Variants in CDH13 observed in about 807,000 individuals in gnomAD.
The protein encoded by CDH13 is cadherin 13, also known as cadherin-13.
CDH13 carries 24 observed loss-of-function variants against 63.8 expected under a neutral mutation model. The observed-to-expected ratio is 0.38, with a 90% CI of 0.27 to 0.53. The LOEUF is 0.53. Ranked by LOEUF, CDH13 falls within the 20% of genes least tolerant of loss-of-function variation. CDH13 has a pLI of 0.85. For missense variants in CDH13, 1,049 were observed against 903.1 expected (o/e 1.16, Z -2.07); for synonymous variants, 503 against 355.3 (o/e 1.42, Z -4.67).
intron 10 of CDH13, among the ~76,000 whole-genome samples, chr16:83,708,154 C>A (rs1455168882): frequency 6.6e-6 from 1 of 152,188 alleles, no homozygotes; most frequent in African/African-American, 2.4e-5. Context: ...AGGATCCACC[C>A]AAAGCCACCG....
intron 1 of CDH13, among the ~76,000 whole-genome samples, chr16:82,811,146 C>G (rs1821254898): frequency 6.6e-6 from 1 of 152,162 alleles, no homozygotes; most frequent in South Asian, 2.1e-4. Context: ...TGTCCTGGAA[C>G]TGGTTCTGTC....
At chr16:83,030,124 C>T (rs1291849698) in intron 2 of CDH13, among the ~76,000 whole-genome samples, 1 of 152,208 alleles carries the variant, frequency 6.6e-6, no homozygotes, top group East Asian at 1.9e-4. Flanking sequence ...ATGCAGGGGG[C>T]CCATCTTCCC....
At chr16:83,456,559 A>G (rs1422222331) in intron 6 of CDH13, among the ~76,000 whole-genome samples, 3 of 152,250 alleles carry the variant, frequency 2.0e-5, no homozygotes, top group Non-Finnish European at 4.4e-5. Context: ...TACTTGAGCC[A>G]TTTTCAAGAG....
intron 6 of CDH13, among the ~76,000 whole-genome samples, chr16:83,395,707 C>A (rs1420575370): frequency 1.3e-5 from 2 of 152,140 alleles, no homozygotes; most frequent in Non-Finnish European, 2.9e-5. Context: ...GGGTAGATAT[C>A]ACATAGTGGT....
chr16:83,096,055 A>G (rs1029168955), intron 3 of CDH13, among the ~76,000 whole-genome samples: 1 of 152,182 alleles, frequency 6.6e-6, no homozygotes, highest in Non-Finnish European at 1.5e-5. Flanking sequence ...GTGGGGAAGC[A>G]TGCAGTCACC....
chr16:83,125,609 T>G, intron 4 of CDH13, 108 bp downstream of exon 4: 1 of 622,498 alleles, frequency 1.6e-6, no homozygotes, highest in Non-Finnish European at 2.9e-6. Flanking sequence ...TCTTCATCTG[T>G]CTATGATAAG....
chr16:82,934,368 A>G (rs1216882946), intron 2 of CDH13, among the ~76,000 whole-genome samples: 1 of 152,180 alleles, frequency 6.6e-6, no homozygotes, highest in Non-Finnish European at 1.5e-5. Flanking sequence ...GACACAGAGC[A>G]CTAAGTCCTT....
chr16:83,635,090 C>G (rs1226134035), intron 8 of CDH13, among the ~76,000 whole-genome samples: 1 of 152,140 alleles, frequency 6.6e-6, no homozygotes, highest in East Asian at 1.9e-4. Context: ...GGTGTTATCA[C>G]TCTTTTTCAT....
chr16:83,550,475 A>G lies in CDH13; in HGVS notation c.961-51979A>G, dbSNP rs145286643. ...GCTGGTGGCAGTGTCTTAATGATGGAGACAATTGATTGATAGGAGGTCAAC... is the reference window on the plus strand; with the variant it reads ...GCTGGTGGCAGTGTCTTAATGATGGGGACAATTGATTGATAGGAGGTCAAC... On this transcript the variant is annotated intron_variant, in intron 7 of 13. Coordinates refer to ENST00000567109, the MANE Select transcript of CDH13 (RefSeq NM_001257.5). 5.3e-3 allele frequency among the ~76,000 whole-genome samples: 804 copies of G among 152,312 alleles called. 1 individual carries two copies. The highest frequency in any genetic ancestry group is 0.01 in the Admixed American group (159 of 15,296).
intron 7 of CDH13, among the ~76,000 whole-genome samples, chr16:83,486,880 C>T (rs1206733540): frequency 1.3e-5 from 2 of 152,158 alleles, no homozygotes; most frequent in African/African-American, 2.4e-5. Flanking sequence ...TGTTTGTATT[C>T]ACTCAACCTG....
intron 11 of CDH13, among the ~76,000 whole-genome samples, chr16:83,759,738 G>C (rs1433590925): frequency 2.6e-5 from 4 of 151,958 alleles, no homozygotes; most frequent in African/African-American, 7.2e-5. Flanking sequence ...ACCAGTGTGA[G>C]TAATAAAGCA....
chr16:83,517,216 A>G (rs1377146627), intron 7 of CDH13, among the ~76,000 whole-genome samples: 2 of 152,220 alleles, frequency 1.3e-5, no homozygotes, highest in African/African-American at 4.8e-5. Flanking sequence ...TGCTTGCAAG[A>G]CAGTTTAAGG....
At chr16:83,674,557 C>G (rs1171386154) in intron 9 of CDH13, among the ~76,000 whole-genome samples, 3 of 152,220 alleles carry the variant, frequency 2.0e-5, no homozygotes, top group Non-Finnish European at 2.9e-5. Context: ...GGCCTTTGGG[C>G]CTTTACAGTG....
At chr16:82,646,102 T>C (rs1488322124) in intron 1 of CDH13, 2 of 152,236 alleles carry the variant, frequency 1.3e-5, no homozygotes, top group Non-Finnish European at 2.9e-5. Context: ...CAACTTCAGG[T>C]TGTCCCTGAC....
intron 1 of CDH13, among the ~76,000 whole-genome samples, chr16:82,686,810 C>G (rs1281431893): frequency 6.6e-6 from 1 of 152,150 alleles, no homozygotes; most frequent in African/African-American, 2.4e-5. Flanking sequence ...TGGGTATTAT[C>G]AATACCCATG....
In CDH13 at chr16:83,525,136, C is replaced by T. The variant is rs191408063; in HGVS notation, c.960+38481C>T. The stretch of plus-strand genomic sequence containing the variant: ...GGTGTCCTTATAGCAACCCCAGGGA[C>T]AGACTCCAGTTGGCTCTATCTGTGC... On this transcript the variant is annotated intron_variant, in intron 7 of 13. Transcript: ENST00000567109. Among the ~76,000 whole-genome samples, 238 of 152,306 alleles carry T rather than the reference C, an allele frequency of 1.6e-3. 2 individuals are homozygous for T. The highest frequency in any genetic ancestry group is 5.5e-3 in the African/African-American group (227 of 41,560).
chr16:83,537,704 T>G (rs575237172), intron 7 of CDH13, among the ~76,000 whole-genome samples: 47 of 152,310 alleles, frequency 3.1e-4, no homozygotes, highest in African/African-American at 1.1e-3. Flanking sequence ...ATAGTGGCAT[T>G]CTATGGAAAG....
intron 8 of CDH13, among the ~76,000 whole-genome samples, chr16:83,611,656 G>C (rs1040311515): frequency 2.6e-5 from 4 of 151,464 alleles, no homozygotes; most frequent in African/African-American, 9.7e-5. Flanking sequence ...ATGGATTTAA[G>C]ACTATATAAA....
chr16:83,132,578 G>A (rs937965441), intron 4 of CDH13, among the ~76,000 whole-genome samples: 1 of 151,124 alleles, frequency 6.6e-6, no homozygotes, highest in Non-Finnish European at 1.5e-5. Flanking sequence ...TCCCTAACTG[G>A]GACTACAGGT....
Sources: allele counts gnomAD v4.1 joint callset (sites outside exome capture counted in the v4.1 genomes callset), GRCh38; gene constraint gnomAD v4.1.1; transcripts MANE v1.5; gene names NCBI Gene and HGNC (gene_info 2026-07-23, HGNC 2026-07-21).